Variants in TBC1D19 observed in about 807,000 individuals in gnomAD.
TBC1D19 encodes the protein TBC1 domain family, member 19.
A neutral mutation model predicts 89.0 loss-of-function variants in TBC1D19; 60 were observed. The observed-to-expected ratio is 0.67, with a 90% CI of 0.55 to 0.84. The LOEUF is 0.84. TBC1D19 is among the 40% of genes least tolerant of loss of function. TBC1D19 has a pLI of 0.00. For missense variants in TBC1D19, 500 were observed against 610.8 expected, an observed-to-expected ratio of 0.82 and a Z score of 1.91; for synonymous variants, 189 against 199.7, an observed-to-expected ratio of 0.95 and a Z score of 0.45.
At chr4:26,626,750 C>CT (rs1383587633) in intron 4 of TBC1D19, among the ~76,000 whole-genome samples, 1 of 151,864 alleles carries the variant, frequency 6.6e-6, no homozygotes. Context: ...TCCTAATGGT[C>CT]TTTTTGCCTT....
intron 16 of TBC1D19, 140 bp from the exon 17 acceptor site, chr4:26,739,723 GA>G (rs1339951048): frequency 2.2e-6 from 1 of 455,922 alleles, no homozygotes; most frequent in Non-Finnish European, 3.8e-6. Flanking sequence ...CTCTCAAAAT[GA>G]AAAAAAGTAG....
At chr4:26,607,809 A>G (rs1433977318) in intron 1 of TBC1D19, among the ~76,000 whole-genome samples, 2 of 152,200 alleles carry the variant, frequency 1.3e-5, no homozygotes, top group Non-Finnish European at 2.9e-5. Context: ...TGTTTGGGAC[A>G]CTTCTTACAA....
chr4:26,718,483 T>G (rs774631611), intron 14 of TBC1D19, among the ~76,000 whole-genome samples: 16 of 152,142 alleles, frequency 1.1e-4, no homozygotes, highest in Admixed American at 1.3e-4. Flanking sequence ...AATATCAATA[T>G]CCTGCCATCA....
chr4:26,795,543 G>A, the TBC1D19 span, among the ~76,000 whole-genome samples: 5 of 152,142 alleles, frequency 3.3e-5, no homozygotes, highest in South Asian at 2.1e-4. Context: ...ATGTTTGAAT[G>A]AATTGAATCA....
At chr4:26,774,812 A>T in the TBC1D19 span, among the ~76,000 whole-genome samples, 1 of 152,194 alleles carries the variant, frequency 6.6e-6, no homozygotes, top group Non-Finnish European at 1.5e-5. Flanking sequence ...TTGCATTGCT[A>T]AAAGTTCCAA....
chr4:26,816,689 C>T, the TBC1D19 span, among the ~76,000 whole-genome samples: 3 of 152,090 alleles, frequency 2.0e-5, no homozygotes, highest in Admixed American at 6.5e-5. Context: ...GAGGGGCATT[C>T]TACATATTAA....
intron 18 of TBC1D19, among the ~76,000 whole-genome samples, chr4:26,743,975 G>A (rs1718512075): frequency 6.6e-6 from 1 of 151,346 alleles, no homozygotes; most frequent in South Asian, 2.1e-4. Context: ...TTCCTATATA[G>A]GAAAAGTGTA....
intron 13 of TBC1D19, among the ~76,000 whole-genome samples, chr4:26,714,706 A>G (rs1243921311): frequency 2.6e-5 from 4 of 152,118 alleles, no homozygotes; most frequent in African/African-American, 7.2e-5. Flanking sequence ...GTAACAGATT[A>G]TTAGAACTAT....
At chr4:26,629,476 C>T (rs1742653664) in intron 4 of TBC1D19, among the ~76,000 whole-genome samples, 1 of 151,868 alleles carries the variant, frequency 6.6e-6, no homozygotes, top group South Asian at 2.1e-4. Flanking sequence ...TGGCACAGTC[C>T]CCAGCCCGTG....
intron 1 of TBC1D19, among the ~76,000 whole-genome samples, chr4:26,602,435 CTTTTTTTTT>C (rs34004440): frequency 2.7e-5 from 2 of 73,060 alleles, no homozygotes; most frequent in African/African-American, 4.6e-5. Context: ...CTATTGTATT[CTTTTTTTTT>C]TTTTTTTTTT....
At chr4:26,582,086 G>A (rs1739080151), upstream of TBC1D19, among the ~76,000 whole-genome samples, 2 of 151,538 alleles carry the variant, frequency 1.3e-5, no homozygotes, top group Non-Finnish European at 2.9e-5. Flanking sequence ...GTCTCCATCT[G>A]TGCAAGGAAT....
At chr4:26,607,279 G>A (rs910842100) in intron 1 of TBC1D19, among the ~76,000 whole-genome samples, 6 of 152,218 alleles carry the variant, frequency 3.9e-5, no homozygotes, top group South Asian at 2.1e-4. Context: ...TTGAAAAGCC[G>A]CTACTTCTAG....
intron 7 of TBC1D19, among the ~76,000 whole-genome samples, chr4:26,641,490 GA>G (rs1409967801): frequency 6.6e-6 from 1 of 152,226 alleles, no homozygotes; most frequent in Non-Finnish European, 1.5e-5. Flanking sequence ...CAGAAAAGCT[GA>G]AAATTCTAAA....
intron 18 of TBC1D19, among the ~76,000 whole-genome samples, chr4:26,746,663 CTG>C (rs1718667648): frequency 2.0e-5 from 3 of 152,164 alleles, no homozygotes; most frequent in African/African-American, 4.8e-5. Context: ...GTGCCTGAAA[CTG>C]TGGATAGTAC....
At chr4:26,760,736 A>G (rs933742475), downstream of TBC1D19, among the ~76,000 whole-genome samples, 1 of 152,094 alleles carries the variant, frequency 6.6e-6, no homozygotes. Context: ...TTGAGATCCA[A>G]TTTATCTATT....
At chr4:26,651,804 A>C (rs911790731) in intron 7 of TBC1D19, among the ~76,000 whole-genome samples, 5 of 152,098 alleles carry the variant, frequency 3.3e-5, no homozygotes, top group Admixed American at 6.5e-5. Flanking sequence ...TTTCAAAGGG[A>C]ATTCTTCCAG....
Position 26,676,624 on chromosome 4 carries a change from C to G in TBC1D19, c.816+2736C>G, listed in dbSNP as rs551476198. Reference sequence around the variant, plus strand: ...ATCCCAGCTACTTGGGAGGCTGAGGCAAGAAAATGTCGTGAACCCGGGAGG... The same window carrying G: ...ATCCCAGCTACTTGGGAGGCTGAGGGAAGAAAATGTCGTGAACCCGGGAGG... On this transcript the variant is annotated intron_variant, in intron 11 of 20. Coordinates refer to ENST00000264866, the MANE Select transcript of TBC1D19 (RefSeq NM_018317.4). Among the ~76,000 whole-genome samples the G allele has an allele frequency of 3.3e-5, 5 of 149,694 alleles. No individual in the cohort carries two copies. In the East Asian group the frequency reaches 9.9e-4, roughly 30 times the overall value.
chr4:26,630,759 A>G (rs1178239200), intron 4 of TBC1D19, among the ~76,000 whole-genome samples: 1 of 152,000 alleles, frequency 6.6e-6, no homozygotes, highest in Admixed American at 6.6e-5. Flanking sequence ...ATATTAAATG[A>G]TCATCTGCTC....
intron 4 of TBC1D19, among the ~76,000 whole-genome samples, chr4:26,627,955 T>C (rs369149723): frequency 6.6e-6 from 1 of 152,180 alleles, no homozygotes; most frequent in Non-Finnish European, 1.5e-5. Flanking sequence ...ACCTGAAGTC[T>C]TTGCCCATGC....
Sources: allele counts gnomAD v4.1 joint callset (sites outside exome capture counted in the v4.1 genomes callset), GRCh38; gene constraint gnomAD v4.1.1; transcripts MANE v1.5; gene names NCBI Gene and HGNC (gene_info 2026-07-23, HGNC 2026-07-21).